GFRAL: variants seen among roughly 807,000 people sequenced by gnomAD.
GFRAL encodes the protein GDNF family receptor alpha like.
Under a neutral mutation model 45.4 loss-of-function variants are expected in GFRAL, and 36 were observed. The ratio of observed to expected loss-of-function variants is 0.79; its 90% confidence interval spans 0.61 to 1.05. The LOEUF (loss-of-function observed/expected upper bound fraction) is 1.05. Among genes scored for constraint, GFRAL ranks in the 50% least tolerant of loss-of-function variants. The pLI, the probability that GFRAL is intolerant of heterozygous loss-of-function variation, is 0.00. For synonymous variants in GFRAL, 166 were observed against 154.1 expected (o/e 1.08, Z -0.57); for missense variants, 507 against 467.5 (o/e 1.08, Z -0.78).
chr6:55,397,001 C>T (rs1339407282), intron 6 of GFRAL, among the ~76,000 whole-genome samples: 1 of 151,426 alleles, frequency 6.6e-6, no homozygotes, highest in Non-Finnish European at 1.5e-5. Flanking sequence ...ACCTCAGCCT[C>T]CAGAGAAGTT....
At chr6:55,335,558 T>C (rs141437589) in intron 3 of GFRAL, among the ~76,000 whole-genome samples, 1,986 of 152,278 alleles carry the variant, frequency 0.013, 23 homozygotes, top group Non-Finnish European at 0.022. Flanking sequence ...GATCTAGAAA[T>C]GATGTAGCTT....
At chr6:55,340,741 A>T (rs964275804) in intron 3 of GFRAL, among the ~76,000 whole-genome samples, 3 of 152,120 alleles carry the variant, frequency 2.0e-5, no homozygotes, top group Admixed American at 2.0e-4. Context: ...CTCACCCGGG[A>T]AGCACAAGGG....
chr6:55,346,695 A>T (rs2127353910), intron 3 of GFRAL, among the ~76,000 whole-genome samples: 1 of 152,222 alleles, frequency 6.6e-6, no homozygotes, highest in South Asian at 2.1e-4. Context: ...GTATAAAAGT[A>T]AAAGAAAAAA....
rs549495655 is a variant in GFRAL, at chr6:55,348,758, G to A, written c.317-1334G>A. Among the ~76,000 whole-genome samples, 5 of 152,106 alleles carry A rather than the reference G, an allele frequency of 3.3e-5. No homozygotes were observed. The South Asian group carries it at 1.0e-3, about 32-fold the overall frequency. ...ACACCATCACCCCATAACTGCACACGGAGATTATGGCTCCAACTTATGAAT... is the reference window on the plus strand; with the variant it reads ...ACACCATCACCCCATAACTGCACACAGAGATTATGGCTCCAACTTATGAAT... On this transcript the variant is annotated intron_variant, in intron 3 of 8. Coordinates refer to ENST00000340465, the MANE Select transcript of GFRAL (RefSeq NM_207410.2).
chr6:55,377,601 A>G (rs1455126260), intron 6 of GFRAL, among the ~76,000 whole-genome samples: 1 of 151,978 alleles, frequency 6.6e-6, no homozygotes, highest in Non-Finnish European at 1.5e-5. Context: ...GTTTCTACTT[A>G]TCTGTGGGGA....
intron 6 of GFRAL, among the ~76,000 whole-genome samples, chr6:55,359,852 G>T (rs1768250108): frequency 1.3e-5 from 2 of 151,906 alleles, no homozygotes; most frequent in South Asian, 4.1e-4. Flanking sequence ...GTCACTGTGG[G>T]AGTGGACTAC....
intron 6 of GFRAL, among the ~76,000 whole-genome samples, chr6:55,369,938 T>G (rs1299153672): frequency 6.6e-6 from 1 of 152,176 alleles, no homozygotes; most frequent in Non-Finnish European, 1.5e-5. Context: ...TCTGCATACC[T>G]CCTTAATGAT....
At position 55,388,471 on chromosome 6, in the gene GFRAL, A is replaced by G. The variant is rs116945973; in HGVS notation, c.953-10709A>G. ...GACATGATTCAATCCCTGAATCTCT[A>G]TTCACTAGCTCTTTCTAGTATAACA... On this transcript the variant is annotated intron_variant, in intron 6 of 8. Transcript: ENST00000340465. Among the ~76,000 whole-genome samples, 266 of 152,314 alleles carry G rather than the reference A, an allele frequency of 1.7e-3. 7 individuals are homozygous for G. In the East Asian group the frequency reaches 0.045, roughly 26 times the overall value.
chr6:55,395,162 G>GAAAAAAAA (rs869161118), intron 6 of GFRAL, among the ~76,000 whole-genome samples: 5 of 125,190 alleles, frequency 4.0e-5, no homozygotes, highest in Non-Finnish European at 8.2e-5. Flanking sequence ...TCAGCCTATG[G>GAAAAAAAA]AAAAAAAAAA....
intron 6 of GFRAL, among the ~76,000 whole-genome samples, chr6:55,367,335 C>T (rs1262019522): frequency 7.0e-6 from 1 of 142,524 alleles, no homozygotes; most frequent in African/African-American, 2.8e-5. Context: ...CTATGGGTGT[C>T]TCTGCACGTG....
chr6:55,356,577 C>A (rs1158678153), intron 5 of GFRAL, among the ~76,000 whole-genome samples: 1 of 151,802 alleles, frequency 6.6e-6, no homozygotes, highest in Non-Finnish European at 1.5e-5. Flanking sequence ...TCTCTGATTT[C>A]ATTTATTGAG....
chr6:55,395,175 A>AAATATATATATATATATATATAT, intron 6 of GFRAL, among the ~76,000 whole-genome samples: 3 of 123,510 alleles, frequency 2.4e-5, no homozygotes, highest in Non-Finnish European at 4.9e-5. Flanking sequence ...AAAAAAAAAA[A>AAATATATATATATATATATATAT]ATATATATAT....
chr6:55,338,216 A>T (rs576721654), intron 3 of GFRAL, among the ~76,000 whole-genome samples: 4 of 151,976 alleles, frequency 2.6e-5, no homozygotes, highest in Non-Finnish European at 4.4e-5. Context: ...TCAGCCCCTG[A>T]GTAGCTGGGA....
intron 3 of GFRAL, among the ~76,000 whole-genome samples, chr6:55,334,610 T>C (rs902554949): frequency 1.3e-5 from 2 of 152,174 alleles, no homozygotes; most frequent in African/African-American, 2.4e-5. Context: ...CACAGAGTGC[T>C]CAATTCTTCT....
At chr6:55,382,108 C>T (rs1295856579) in intron 6 of GFRAL, among the ~76,000 whole-genome samples, 1 of 151,822 alleles carries the variant, frequency 6.6e-6, no homozygotes, top group Non-Finnish European at 1.5e-5. Context: ...CAGAATTTCT[C>T]TACTCTGTAT....
chr6:55,375,187 G>A (rs919995234), intron 6 of GFRAL, among the ~76,000 whole-genome samples: 3 of 152,064 alleles, frequency 2.0e-5, no homozygotes, highest in African/African-American at 4.8e-5. Flanking sequence ...AATGGGAATA[G>A]CATTGAACAT....
At chr6:55,334,039 G>A (rs146845910) in intron 3 of GFRAL, 95 bp downstream of exon 3, 12,066 of 782,106 alleles carry the variant, frequency 0.015, 114 homozygotes, top group Non-Finnish European at 0.02. Flanking sequence ...AATGTTTTTT[G>A]TAATTTGATT....
intron 6 of GFRAL, among the ~76,000 whole-genome samples, chr6:55,388,573 T>C (rs1768708664): frequency 6.6e-6 from 1 of 152,214 alleles, no homozygotes; most frequent in African/African-American, 2.4e-5. Context: ...ACACTAAGCA[T>C]ATGTCTACAA....
chr6:55,338,577 C>CACAT (rs1767920829), intron 3 of GFRAL, among the ~76,000 whole-genome samples: 1 of 152,102 alleles, frequency 6.6e-6, no homozygotes, highest in Non-Finnish European at 1.5e-5. Flanking sequence ...TAAGGACACA[C>CACAT]ACATACACAC....
Sources: gnomAD v4.1 joint callset for allele counts (sites outside exome capture counted in the v4.1 genomes callset) on GRCh38, gnomAD v4.1.1 for gene constraint, MANE v1.5 for transcripts, NCBI Gene and HGNC (gene_info 2026-07-23, HGNC 2026-07-21) for gene names.